The following HMCN1 variants were observed in gnomAD, a reference collection of about 807,000 sequenced individuals.
The protein encoded by HMCN1 is hemicentin-1.
A neutral mutation model predicts 625.9 loss-of-function variants in HMCN1; 321 were observed. The observed-to-expected ratio is 0.51, with a 90% CI of 0.47 to 0.56. HMCN1 has a LOEUF of 0.56. Among genes scored for constraint, HMCN1 ranks in the 20% least tolerant of loss-of-function variants. HMCN1 has a pLI of 0.00. For synonymous variants in HMCN1, 2,425 were observed against 2,417.6 expected (o/e 1.00, Z -0.09); for missense variants, 6,588 against 6,887.3 (o/e 0.96, Z 1.54).
intron 68 of HMCN1, among the ~76,000 whole-genome samples, chr1:186,097,922 A>G (rs1660209127): frequency 6.6e-6 from 1 of 152,186 alleles, no homozygotes; most frequent in Non-Finnish European, 1.5e-5. Context: ...CTGATTTTTG[A>G]CAAAGGTCCC....
In HMCN1 at chr1:186,052,142, A is replaced by AAG. The variant is rs146696201; in HGVS notation, c.6578-790_6578-789dup. On this transcript the variant is annotated intron_variant, in intron 42 of 106. Coordinates refer to ENST00000271588, the MANE Select transcript of HMCN1 (RefSeq NM_031935.3). ...GAATGACAGGTTTACAGATGGTAAA[A>AAG]AGAGAGAGAGAGAGAGAGAGAAATA... is the stretch of plus-strand genomic sequence containing the variant. Among the ~76,000 whole-genome samples, 470 of 150,054 alleles carry AAG rather than the reference A, an allele frequency of 3.1e-3. 3 individuals are homozygous for AAG. The highest frequency in any genetic ancestry group is 4.5e-3 in the African/African-American group (185 of 41,124).
In HMCN1 at chr1:186,171,404, T is replaced by C; in HGVS notation, c.15642T>C (p.His5214=). Residue 5214 remains histidine (H), a synonymous_variant, in exon 101 of 107, where the codon CAT becomes CAC. Transcript: ENST00000271588. ...QRCFNAIGSF[H]CGCEPGYQLK... Reference sequence around the variant, plus strand: ...GTTTCAATGCCATAGGAAGTTTCCATTGTGGATGTGAACCTGGGTATCAGC... The same window carrying C: ...GTTTCAATGCCATAGGAAGTTTCCACTGTGGATGTGAACCTGGGTATCAGC... The C allele has an allele frequency of 5.6e-6, 9 of 1,613,500 alleles. No individual in the cohort carries two copies. The highest frequency in any genetic ancestry group is 1.7e-4 in the Middle Eastern group (1 of 6,056).
At chr1:186,059,385 A>G (rs1464816629) in intron 46 of HMCN1, among the ~76,000 whole-genome samples, 1 of 152,094 alleles carries the variant, frequency 6.6e-6, no homozygotes, top group Non-Finnish European at 1.5e-5. Context: ...TAGTAAGTGC[A>G]GCAGAGCTCC....
intron 1 of HMCN1, among the ~76,000 whole-genome samples, chr1:185,758,790 T>TA (rs561488650): frequency 1.1e-3 from 167 of 152,318 alleles, no homozygotes; most frequent in African/African-American, 3.8e-3. Flanking sequence ...ACTCAATAGT[T>TA]AGAGAGTTAA....
intron 42 of HMCN1, among the ~76,000 whole-genome samples, chr1:186,052,399 T>C (rs1463960883): frequency 1.3e-5 from 2 of 152,056 alleles, no homozygotes; most frequent in Admixed American, 1.3e-4. Context: ...GGGTAGTCAG[T>C]ATTCACTTTG....
At chr1:185,772,643 C>T (rs1656325005) in intron 1 of HMCN1, among the ~76,000 whole-genome samples, 1 of 152,092 alleles carries the variant, frequency 6.6e-6, no homozygotes, top group African/African-American at 2.4e-5. Context: ...GTGGTAACTA[C>T]TGATTGCTTA....
At chr1:185,820,516 AAGTG>A (rs1202312628) in intron 1 of HMCN1, among the ~76,000 whole-genome samples, 4 of 152,184 alleles carry the variant, frequency 2.6e-5, no homozygotes, top group Non-Finnish European at 5.9e-5. Flanking sequence ...TAATAGAAGT[AAGTG>A]AAAGACATGG....
In HMCN1 at chr1:186,037,935, A is replaced by G; in HGVS notation, c.5751A>G (p.Glu1917=). ...ATTATCTGTTTGGGCCTCTTGTAGA[A>G]CCACCTAGTCTGGAAGATGCTGGAA... ...TQQHIQLHVH[E]PPSLEDAGKM... is the part of the protein sequence containing the mutation. The change falls in exon 37 of 107, where the codon GAA becomes GAG. Residue 1917 remains glutamate, a splice_region_variant and synonymous_variant. Transcript: ENST00000271588. 2 of 1,592,530 alleles carry G rather than the reference A, an allele frequency of 1.3e-6. No homozygotes were observed. The highest frequency in any genetic ancestry group is 1.7e-6 in the Non-Finnish European group (2 of 1,160,516).
At chr1:186,059,006 G>A (rs1657518670) in intron 46 of HMCN1, among the ~76,000 whole-genome samples, 2 of 151,942 alleles carry the variant, frequency 1.3e-5, no homozygotes, top group African/African-American at 2.4e-5. Flanking sequence ...CTTGTAAAGC[G>A]ATAATAATAG....
intron 1 of HMCN1, among the ~76,000 whole-genome samples, chr1:185,764,098 C>T (rs965367235): frequency 6.6e-6 from 1 of 152,142 alleles, no homozygotes; most frequent in Non-Finnish European, 1.5e-5. Context: ...GAATAGTTTA[C>T]AACTCTCTTA....
chr1:185,903,238 G>A (rs906504724), intron 4 of HMCN1, among the ~76,000 whole-genome samples: 1 of 151,544 alleles, frequency 6.6e-6, no homozygotes, highest in African/African-American at 2.4e-5. Flanking sequence ...TTCGGCTGTT[G>A]TGTATTATAA....
chr1:186,119,443 A>G, intron 78 of HMCN1, 145 bp downstream of exon 78: 1 of 750,608 alleles, frequency 1.3e-6, no homozygotes, highest in Non-Finnish European at 2.4e-6. Flanking sequence ...AGATACTTTT[A>G]ATAGGCTAAA....
chr1:185,921,512 C>T (rs1571561502), intron 6 of HMCN1, among the ~76,000 whole-genome samples: 2 of 152,238 alleles, frequency 1.3e-5, no homozygotes, highest in East Asian at 3.9e-4. Context: ...CGGCTGTCTA[C>T]CAGATTAAAA....
chr1:185,895,876 A>G (rs757711831), intron 4 of HMCN1, among the ~76,000 whole-genome samples: 31 of 152,162 alleles, frequency 2.0e-4, no homozygotes, highest in African/African-American at 2.2e-4. Context: ...CATAACTTAT[A>G]AATTGCCACA....
intron 1 of HMCN1, among the ~76,000 whole-genome samples, chr1:185,820,203 T>G (rs916651659): frequency 3.3e-5 from 5 of 152,160 alleles, no homozygotes; most frequent in African/African-American, 1.2e-4. Context: ...CAAAGTAATC[T>G]CTGAGGTTAC....
intron 1 of HMCN1, among the ~76,000 whole-genome samples, chr1:185,760,932 T>A (rs1242133414): frequency 1.3e-5 from 2 of 152,186 alleles, no homozygotes; most frequent in Non-Finnish European, 2.9e-5. Flanking sequence ...TAGTACATGG[T>A]GGATCCAAGA....
intron 24 of HMCN1, 66 bp from the exon 25 acceptor site, chr1:185,997,363 T>A: frequency 1.0e-6 from 1 of 954,078 alleles, no homozygotes; most frequent in Non-Finnish European, 1.7e-6. Flanking sequence ...GGTAGTTAAT[T>A]GTGCCTTAGG....
At chr1:186,109,192 C>T (rs1047327881) in intron 71 of HMCN1, among the ~76,000 whole-genome samples, 2 of 152,192 alleles carry the variant, frequency 1.3e-5, no homozygotes, top group South Asian at 4.1e-4. Flanking sequence ...GGATTATCCT[C>T]ATTATTTTTT....
chr1:185,812,285 TTTGA>T (rs1427783950), intron 1 of HMCN1, among the ~76,000 whole-genome samples: 1 of 152,152 alleles, frequency 6.6e-6, no homozygotes, highest in Non-Finnish European at 1.5e-5. Context: ...TTTTGGCATG[TTTGA>T]TTGAGAAATG....
Sources: gnomAD v4.1 joint callset for allele counts (sites outside exome capture counted in the v4.1 genomes callset) on GRCh38, gnomAD v4.1.1 for gene constraint, MANE v1.5 for transcripts, NCBI Gene and HGNC (gene_info 2026-07-23, HGNC 2026-07-21) for gene names.